The following SEPTIN10 variants were observed in gnomAD, a reference collection of about 807,000 sequenced individuals.
SEPTIN10 encodes septin-10.
SEPTIN10 carries 66 observed loss-of-function variants against 54.8 expected under a neutral mutation model. That is an observed-to-expected ratio of 1.21 (90% CI 0.99 to 1.48). SEPTIN10 has a LOEUF of 1.48. Ranked by LOEUF, SEPTIN10 falls within the 40% of genes most tolerant of loss-of-function variation. The probability of loss-of-function intolerance (pLI) is 0.00; values close to 1 mark genes in which losing one functional copy is unlikely to be tolerated. For missense variants in SEPTIN10, 620 were observed against 545.6 expected (o/e 1.14, Z -1.36); for synonymous variants, 161 against 181.0 (o/e 0.89, Z 0.89).
At chr2:109,581,648 C>T (rs558572467) in intron 4 of SEPTIN10, among the ~76,000 whole-genome samples, 3 of 151,978 alleles carry the variant, frequency 2.0e-5, no homozygotes, top group Non-Finnish European at 2.9e-5. Flanking sequence ...TTCACAGAAT[C>T]GTATTTATAT....
chr2:109,579,423 G>C (rs1326786226), intron 4 of SEPTIN10, among the ~76,000 whole-genome samples: 1 of 143,620 alleles, frequency 7.0e-6, no homozygotes, highest in Non-Finnish European at 1.5e-5. Flanking sequence ...CGCTCTTGTT[G>C]ACCAGGCTTG....
At chr2:109,596,258 GCATAT>G (rs1695276671) in intron 1 of SEPTIN10, among the ~76,000 whole-genome samples, 1 of 152,104 alleles carries the variant, frequency 6.6e-6, no homozygotes, top group African/African-American at 2.4e-5. Flanking sequence ...TATAATGATA[GCATAT>G]CATGAGTTTT....
Position 109,565,838 on chromosome 2 carries a change from C to G in SEPTIN10, c.784G>C (p.Val262Leu). 1 of 1,614,092 alleles carries G rather than the reference C, an allele frequency of 6.2e-7. No individual in the cohort carries two copies. The stretch of plus-strand genomic sequence containing the variant: ...ACTTTTACCTCATCCATACTTCCCA[C>G]AACAGCAAACGGCAACTGTCCCTGA... ...AMNGQLPFAVVGSMDEVKVGN... is the reference protein window; with the variant it reads ...AMNGQLPFAVLGSMDEVKVGN... The change falls in exon 7 of 11, where the codon GTG becomes CTG. Residue 262 changes from valine (V) to leucine (L), a missense_variant. By Grantham distance (32) the Val-to-Leu change is conservative. Transcript: ENST00000397712.
chr2:109,557,170 T>TA (rs564867948), intron 8 of SEPTIN10, among the ~76,000 whole-genome samples: 96 of 151,418 alleles, frequency 6.3e-4, no homozygotes, highest in African/African-American at 2.1e-3. Context: ...TAAAGTATAA[T>TA]AAAAAAAAAT....
intron 1 of SEPTIN10, among the ~76,000 whole-genome samples, chr2:109,607,594 C>A (rs557794873): frequency 1.3e-5 from 2 of 152,056 alleles, no homozygotes; most frequent in African/African-American, 2.4e-5. Context: ...AACTTAATTA[C>A]CTGGGCTAAT....
intron 1 of SEPTIN10, among the ~76,000 whole-genome samples, chr2:109,603,636 A>C (rs1697187237): frequency 6.6e-6 from 1 of 152,192 alleles, no homozygotes; most frequent in Admixed American, 6.5e-5. Context: ...CTTGCAATTT[A>C]AATCTTAGTA....
chr2:109,568,650 G>A (rs1430620670), intron 5 of SEPTIN10, among the ~76,000 whole-genome samples: 12 of 139,034 alleles, frequency 8.6e-5, no homozygotes, highest in Admixed American at 7.8e-4. Flanking sequence ...AGTAAAATGT[G>A]ATAAAAGGTA....
In SEPTIN10 at chr2:109,571,276, C is replaced by T. The variant is rs189727903; in HGVS notation, c.601-3300G>A. Reference sequence around the variant, plus strand: ...TCTCAGATAGTTCTTTATAGCAATGCGAGAACGGACTAATAAACATGGTGA... The same window carrying T: ...TCTCAGATAGTTCTTTATAGCAATGTGAGAACGGACTAATAAACATGGTGA... On this transcript the variant is annotated intron_variant, in intron 5 of 10. Coordinates refer to ENST00000397712, the MANE Select transcript of SEPTIN10 (RefSeq NM_144710.5). Among the ~76,000 whole-genome samples, 101 of 152,246 alleles carry T rather than the reference C, an allele frequency of 6.6e-4. 2 individuals are homozygous for T. The highest frequency in any genetic ancestry group is 2.2e-3 in the African/African-American group (91 of 41,550).
At chr2:109,575,357 C>T (rs918774792) in intron 4 of SEPTIN10, among the ~76,000 whole-genome samples, 1 of 152,200 alleles carries the variant, frequency 6.6e-6, no homozygotes, top group Non-Finnish European at 1.5e-5. Context: ...ATTTATAAGG[C>T]ACAAAAAGCC....
In SEPTIN10 at chr2:109,564,115, G is replaced by A; in HGVS notation, c.1028+251C>T. 5.5e-6 allele frequency: 2 copies of A among 363,830 alleles called. 1 individual carries two copies. Among genetic ancestry groups the A allele is most frequent in the Non-Finnish European group, 9.7e-6 (2 of 205,164 alleles). The allele number at this position is 363,830 out of a possible 1,614,324, so 22.5% of individuals were successfully genotyped here. A position where few individuals can be genotyped will look rare whatever the true frequency, so the allele number is the denominator to read the frequency against. On this transcript the variant is annotated intron_variant, in intron 8 of 10. Transcript: ENST00000397712. ...CATGTCAGCATGAACTGAAACAGGG[G>A]GCCTCTGCCATACATTCTTCATCAT...
At chr2:109,610,542 C>T (rs2106359416) in intron 1 of SEPTIN10, among the ~76,000 whole-genome samples, 1 of 152,198 alleles carries the variant, frequency 6.6e-6, no homozygotes, top group South Asian at 2.1e-4. Flanking sequence ...TGGAGAAACC[C>T]TGTGTCTACT....
chr2:109,591,026 G>A (rs961321714), intron 2 of SEPTIN10, among the ~76,000 whole-genome samples: 4 of 152,192 alleles, frequency 2.6e-5, no homozygotes, highest in African/African-American at 7.2e-5. Context: ...ACAAACAGAT[G>A]CCGTTTTAAG....
At chr2:109,558,533 G>C (rs1232834252) in intron 8 of SEPTIN10, among the ~76,000 whole-genome samples, 1 of 152,068 alleles carries the variant, frequency 6.6e-6, no homozygotes, top group Non-Finnish European at 1.5e-5. Flanking sequence ...TTTTATAAAG[G>C]CATGTTTCCA....
At chr2:109,589,746 C>T (rs1325208720) in intron 2 of SEPTIN10, among the ~76,000 whole-genome samples, 1 of 151,826 alleles carries the variant, frequency 6.6e-6, no homozygotes, top group East Asian at 1.9e-4. Flanking sequence ...CAAAAAAAAC[C>T]CGCTTGGAGG....
chr2:109,585,324 G>A lies in SEPTIN10; in HGVS notation c.218-3C>T. The A allele has an allele frequency of 6.3e-7, 1 of 1,594,510 alleles. No individual in the cohort carries two copies. The highest frequency in any genetic ancestry group is 8.5e-7 in the Non-Finnish European group (1 of 1,169,914). ...TGATTTTCCAATTCCAGTTTCCCCT[G>A]AAACACACAAAGGTACATCTTTATG... On this transcript the variant is annotated splice_polypyrimidine_tract_variant and splice_region_variant and intron_variant, in intron 3 of 10. Coordinates refer to ENST00000397712, the MANE Select transcript of SEPTIN10 (RefSeq NM_144710.5).
intron 10 of SEPTIN10, chr2:109,544,714 TAATA>T: frequency 1.2e-6 from 1 of 842,132 alleles, no homozygotes; most frequent in Non-Finnish European, 1.4e-6. Context: ...TGAAAAGCAG[TAATA>T]AATTTATAGT....
intron 1 of SEPTIN10, among the ~76,000 whole-genome samples, chr2:109,611,617 G>A (rs1211244942): frequency 2.6e-5 from 4 of 151,740 alleles, no homozygotes; most frequent in African/African-American, 4.8e-5. Flanking sequence ...AAATTTAGCC[G>A]GCTGTGGTGG....
intron 8 of SEPTIN10, among the ~76,000 whole-genome samples, chr2:109,560,195 C>T (rs988192474): frequency 3.9e-5 from 6 of 152,206 alleles, no homozygotes; most frequent in African/African-American, 9.6e-5. Context: ...GCTGGGATTA[C>T]AGGCGTGAGC....
chr2:109,607,960 T>A (rs952885139), intron 1 of SEPTIN10, among the ~76,000 whole-genome samples: 1 of 152,210 alleles, frequency 6.6e-6, no homozygotes, highest in Non-Finnish European at 1.5e-5. Context: ...CTGAAGATTA[T>A]GCTGGAGATG....
Sources: gnomAD v4.1 joint callset for allele counts (sites outside exome capture counted in the v4.1 genomes callset) on GRCh38, gnomAD v4.1.1 for gene constraint, MANE v1.5 for transcripts, NCBI Gene and HGNC (gene_info 2026-07-23, HGNC 2026-07-21) for gene names.